Variants in TMEM74 observed in about 807,000 individuals in gnomAD.
TMEM74 encodes transmembrane protein 74.
In TMEM74, 13 loss-of-function variants were observed where a neutral mutation model predicts 18.1. The ratio of observed to expected loss-of-function variants is 0.72; its 90% CI spans 0.47 to 1.14. The LOEUF is 1.14. Among genes scored for constraint, TMEM74 ranks in the 50% most tolerant of loss-of-function variants. TMEM74 has a pLI of 0.00. For missense variants in TMEM74, 372 were observed against 375.9 expected (o/e 0.99, Z 0.09); for synonymous variants, 159 against 146.6 (o/e 1.08, Z -0.61).
chr8:108,647,451 T>C (rs1018616101), intron 2 of TMEM74, among the ~76,000 whole-genome samples: 2 of 152,260 alleles, frequency 1.3e-5, no homozygotes, highest in African/African-American at 2.4e-5. Flanking sequence ...ACTTTTTCTA[T>C]GACTAATGTT....
intron 1 of TMEM74, among the ~76,000 whole-genome samples, chr8:108,786,005 C>G (rs552152573): frequency 6.6e-6 from 1 of 152,300 alleles, no homozygotes; most frequent in East Asian, 1.9e-4. Flanking sequence ...TACTCCCGTT[C>G]CCTGGGTCTG....
chr8:108,624,427 T>C (rs553921582), intron 2 of TMEM74, among the ~76,000 whole-genome samples: 4 of 152,044 alleles, frequency 2.6e-5, no homozygotes, highest in Non-Finnish European at 5.9e-5. Context: ...AGTATAAAAA[T>C]TGTATCTGTA....
At position 108,696,609 on chromosome 8, in the gene TMEM74, G is replaced by T. The variant is rs368381369; in HGVS notation, n.120-41172C>A. On this transcript the variant is annotated intron_variant and non_coding_transcript_variant, in intron 1 of 3. Transcript: ENST00000518838. ...CTCTCTTCAAAGTCAGTTTCTGAAA[G>T]ACATACTGTAGTAACATTTGGCAGA... 3.0e-4 allele frequency among the ~76,000 whole-genome samples: 45 copies of T among 152,312 alleles called. 1 individual carries two copies. The South Asian group carries it at 4.6e-3, about 15-fold the overall frequency.
chr8:108,661,707 G>A (rs535524791), intron 1 of TMEM74, among the ~76,000 whole-genome samples: 6 of 151,986 alleles, frequency 3.9e-5, no homozygotes, highest in Non-Finnish European at 5.9e-5. Flanking sequence ...AGAAGGCTCT[G>A]GAAGCACTAA....
intron 1 of TMEM74, among the ~76,000 whole-genome samples, chr8:108,679,339 G>A (rs1417567675): frequency 6.6e-6 from 1 of 152,152 alleles, no homozygotes; most frequent in Non-Finnish European, 1.5e-5. Context: ...TTCCACAAGG[G>A]CTGAACTAGT....
chr8:108,694,377 C>A (rs867357733), intron 1 of TMEM74, among the ~76,000 whole-genome samples: 9 of 151,908 alleles, frequency 5.9e-5, no homozygotes, highest in African/African-American at 2.2e-4. Context: ...ATACATGCTG[C>A]GATGTGGACA....
chr8:108,644,014 T>C (rs1316187774), intron 2 of TMEM74, among the ~76,000 whole-genome samples: 1 of 152,006 alleles, frequency 6.6e-6, no homozygotes, highest in Admixed American at 6.6e-5. Context: ...AAAGTTCAGA[T>C]AGAACCAAAA....
At chr8:108,685,356 T>C (rs1813157110) in intron 1 of TMEM74, among the ~76,000 whole-genome samples, 1 of 152,166 alleles carries the variant, frequency 6.6e-6, no homozygotes, top group Non-Finnish European at 1.5e-5. Flanking sequence ...ATTTAAGTTT[T>C]TCTATATGTA....
intron 1 of TMEM74, among the ~76,000 whole-genome samples, chr8:108,741,447 C>A (rs1237439028): frequency 6.6e-6 from 1 of 152,068 alleles, no homozygotes; most frequent in African/African-American, 2.4e-5. Context: ...AAAAATAGAT[C>A]ATCAAGTAAG....
intron 1 of TMEM74, among the ~76,000 whole-genome samples, chr8:108,744,326 G>A (rs1813828625): frequency 6.6e-6 from 1 of 152,104 alleles, no homozygotes; most frequent in Non-Finnish European, 1.5e-5. Flanking sequence ...CAACCAAAAT[G>A]AGTAACTGAG....
chr8:108,619,840 A>G (rs1812421908), intron 2 of TMEM74, among the ~76,000 whole-genome samples: 1 of 152,206 alleles, frequency 6.6e-6, no homozygotes, highest in Non-Finnish European at 1.5e-5. Flanking sequence ...GTGTATTTCG[A>G]AGATTCATAT....
intron 1 of TMEM74, among the ~76,000 whole-genome samples, chr8:108,772,092 A>G (rs1053783020): frequency 1.3e-5 from 2 of 152,178 alleles, no homozygotes; most frequent in Admixed American, 6.6e-5. Context: ...ACTATTATAT[A>G]CTAATTATTG....
chr8:108,672,185 A>T (rs772860442), intron 1 of TMEM74, among the ~76,000 whole-genome samples: 11 of 152,200 alleles, frequency 7.2e-5, no homozygotes, highest in Non-Finnish European at 1.2e-4. Context: ...AAGCTAAGGC[A>T]GTGCTAGTAC....
intron 1 of TMEM74, among the ~76,000 whole-genome samples, chr8:108,769,759 T>TA (rs1325989949): frequency 1.3e-5 from 2 of 152,202 alleles, no homozygotes; most frequent in East Asian, 1.9e-4. Flanking sequence ...AATATATATA[T>TA]TTTTTTAATT....
downstream of TMEM74, among the ~76,000 whole-genome samples, chr8:108,778,468 G>A (rs1043970673): frequency 6.6e-6 from 1 of 152,190 alleles, no homozygotes; most frequent in African/African-American, 2.4e-5. Context: ...CGAATGATCA[G>A]AGGTGGTTAA....
intron 1 of TMEM74, among the ~76,000 whole-genome samples, chr8:108,722,128 A>G (rs1051887783): frequency 6.6e-6 from 1 of 152,186 alleles, no homozygotes; most frequent in Non-Finnish European, 1.5e-5. Context: ...TTGGAGTTGT[A>G]GTGTACCTTT....
At chr8:108,756,219 G>T (rs1224784505) in intron 1 of TMEM74, among the ~76,000 whole-genome samples, 1 of 152,010 alleles carries the variant, frequency 6.6e-6, no homozygotes, top group East Asian at 1.9e-4. Context: ...TGATGAAACA[G>T]AAGTTAGGTT....
In TMEM74 at chr8:108,688,729, G is replaced by A. The variant is rs540707874; in HGVS notation, n.120-33292C>T. Among the ~76,000 whole-genome samples the A allele has an allele frequency of 4.6e-5, 7 of 152,278 alleles. No individual in the cohort carries two copies. The East Asian group carries it at 9.6e-4, about 21-fold the overall frequency. On this transcript the variant is annotated intron_variant and non_coding_transcript_variant, in intron 1 of 3. Coordinates refer to the TMEM74 transcript ENST00000518838. The stretch of plus-strand genomic sequence containing the variant: ...GCAAAGGAAACATAATTTGCTTCAT[G>A]GGCAATTTCTTGATATCTCCTAATC...
At chr8:108,765,425 T>TTTTTTTTTTTTG (rs1814094864) in intron 1 of TMEM74, among the ~76,000 whole-genome samples, 1 of 150,302 alleles carries the variant, frequency 6.7e-6, no homozygotes, top group African/African-American at 2.5e-5. Context: ...TTTTTTTTTT[T>TTTTTTTTTTTTG]AGATGGAGTC....
Sources: allele counts gnomAD v4.1 joint callset (sites outside exome capture counted in the v4.1 genomes callset), GRCh38; gene constraint gnomAD v4.1.1; transcripts MANE v1.5; gene names NCBI Gene and HGNC (gene_info 2026-07-23, HGNC 2026-07-21).